Variants in AAR2 observed in about 807,000 individuals in gnomAD.
AAR2 encodes AAR2 splicing factor.
In AAR2, 31 loss-of-function variants were observed where a neutral mutation model predicts 26.9. That is an observed-to-expected ratio of 1.15 (90% confidence interval 0.86 to 1.55). The LOEUF is 1.55. Ranked by LOEUF, AAR2 falls within the 40% of genes most tolerant of loss-of-function variation. The pLI is 0.00. For missense variants in AAR2, 430 were observed against 491.3 expected, an observed-to-expected ratio of 0.88 and a Z score of 1.18; for synonymous variants, 188 against 196.1, an observed-to-expected ratio of 0.96 and a Z score of 0.34.
At position 36,240,510 on chromosome 20, in the gene AAR2, G is replaced by C. The variant is rs879221823; in HGVS notation, c.642G>C (p.Gln214His). 1.9e-6 allele frequency: 3 copies of C among 1,614,086 alleles called. No homozygotes were observed. Among genetic ancestry groups the C allele is most frequent in the African/African-American group, 1.3e-5 (1 of 75,062 alleles). Residue 214 changes from glutamine to histidine, a missense_variant, in exon 2 of 4, where the codon CAG (glutamine) becomes CAC (histidine). By Grantham distance (24) the Gln-to-His change is conservative. Coordinates refer to ENST00000320849, the MANE Select transcript of AAR2 (RefSeq NM_001271874.2). ...TEIRFSELPT[Q>H]MFPEGATPAE... is the part of the protein sequence containing the mutation. ...TCCGCTTCTCAGAGCTGCCCACGCA[G>C]ATGTTCCCAGAGGGTGCCACGCCAG...
intron 3 of AAR2, among the ~76,000 whole-genome samples, chr20:36,250,759 G>A (rs1467721239): frequency 1.3e-5 from 2 of 152,146 alleles, no homozygotes; most frequent in African/African-American, 2.4e-5. Flanking sequence ...GATACCAAAA[G>A]CAAAGCAAAC....
chr20:36,245,791 C>A, intron 3 of AAR2, among the ~76,000 whole-genome samples: 1 of 152,146 alleles, frequency 6.6e-6, no homozygotes, highest in East Asian at 1.9e-4. Flanking sequence ...GAGGTGAAGG[C>A]AGGAGGATCA....
Position 36,240,229 on chromosome 20 carries a change from T to G in AAR2, c.361T>G (p.Phe121Val). 6.2e-7 allele frequency: 1 copy of G among 1,614,158 alleles called. No homozygotes were observed. Among genetic ancestry groups the G allele is most frequent in the Non-Finnish European group, 8.5e-7 (1 of 1,180,008 alleles). ...GGCCAACCTCCAGGAGCTGGACCAGTTCCTGGGGCCTTACCCATATGCCAC... is the reference window on the plus strand; with the variant it reads ...GGCCAACCTCCAGGAGCTGGACCAGGTCCTGGGGCCTTACCCATATGCCAC... ...MRANLQELDQ[F>V]LGPYPYATLK... is the part of the protein sequence containing the mutation. The change falls in exon 2 of 4, where the codon TTC becomes GTC. Residue 121 changes from phenylalanine to valine, a missense_variant. Phe to Val is a conservative substitution (Grantham distance 50). Coordinates refer to ENST00000320849, the MANE Select transcript of AAR2 (RefSeq NM_001271874.2).
intron 3 of AAR2, among the ~76,000 whole-genome samples, chr20:36,247,429 C>T (rs1055584342): frequency 6.6e-6 from 1 of 152,192 alleles, no homozygotes; most frequent in African/African-American, 2.4e-5. Context: ...ACATTGGTCG[C>T]AAAGGCCATT....
chr20:36,248,337 C>CT (rs1395708568), intron 3 of AAR2, among the ~76,000 whole-genome samples: 4,020 of 139,648 alleles, frequency 0.029, 80 homozygotes, highest in Middle Eastern at 0.047. Flanking sequence ...TCTTCTTCTT[C>CT]TTTTTTTTTT....
Position 36,255,876 on chromosome 20 carries a change from G to C in AAR2, c.*131G>C. 8.6e-7 allele frequency: 1 copy of C among 1,166,574 alleles called. No individual in the cohort carries two copies. The highest frequency in any genetic ancestry group is 1.2e-6 in the Non-Finnish European group (1 of 845,530). 72.3% of individuals were successfully genotyped at this position (1,166,574 alleles called of 1,614,324 possible). On this transcript the variant is annotated 3_prime_UTR_variant, in exon 4 of 4. Transcript: ENST00000320849. Reference sequence around the variant, plus strand: ...TCCAGGTCCTGCAAAGATGGAGCCAGAATTCCCTTTTTCACTGATAAATAT... The same window carrying C: ...TCCAGGTCCTGCAAAGATGGAGCCACAATTCCCTTTTTCACTGATAAATAT...
intron 3 of AAR2, among the ~76,000 whole-genome samples, chr20:36,249,715 C>T (rs183039734): frequency 6.6e-6 from 1 of 152,306 alleles, no homozygotes; most frequent in Non-Finnish European, 1.5e-5. Context: ...TCTCTAATCC[C>T]ATTATATAGA....
Position 36,240,133 on chromosome 20 carries a change from C to T in AAR2, c.265C>T (p.Leu89=), listed in dbSNP as rs146546733. 12 of 1,614,092 alleles carry T rather than the reference C, an allele frequency of 7.4e-6. No individual in the cohort carries two copies. In the African/African-American group the frequency reaches 1.2e-4, roughly 16 times the overall value. Reference sequence around the variant, plus strand: ...CCTGCACCAGCGGGGGCTGACAGTGCTGCGCTGGAGCACACTCAGGGAAGA... The same window carrying T: ...CCTGCACCAGCGGGGGCTGACAGTGTTGCGCTGGAGCACACTCAGGGAAGA... ...LSLHQRGLTV[L]RWSTLREEVD... The change falls in exon 2 of 4, where the codon CTG becomes TTG. Residue 89 remains leucine (L), a synonymous_variant. Coordinates refer to ENST00000320849, the MANE Select transcript of AAR2 (RefSeq NM_001271874.2).
At chr20:36,239,777 CT>C in intron 1 of AAR2, 43 bp from the exon 2 acceptor site, 3 of 1,442,760 alleles carry the variant, frequency 2.1e-6, no homozygotes, top group Non-Finnish European at 2.8e-6. Flanking sequence ...AATGAAGCAT[CT>C]TTCCCCCACG....
At chr20:36,250,854 T>C (rs2064774558) in intron 3 of AAR2, among the ~76,000 whole-genome samples, 1 of 152,018 alleles carries the variant, frequency 6.6e-6, no homozygotes, top group Non-Finnish European at 1.5e-5. Flanking sequence ...TTGATGAATT[T>C]ACTAATCTGG....
intron 2 of AAR2, among the ~76,000 whole-genome samples, chr20:36,241,604 C>A (rs1422345047): frequency 1.3e-5 from 2 of 152,080 alleles, no homozygotes; most frequent in Non-Finnish European, 2.9e-5. Context: ...GCCTGGCCAA[C>A]ATGGTGAAAC....
At chr20:36,236,701 G>A (rs2064610319) in intron 1 of AAR2, 198 bp downstream of exon 1, 1 of 152,234 alleles carries the variant, frequency 6.6e-6, no homozygotes, top group South Asian at 2.1e-4. Context: ...TTACGTCGCG[G>A]TTTTCTTAAC....
intron 2 of AAR2, 124 bp downstream of exon 2, chr20:36,240,749 T>C (rs1001340116): frequency 1.6e-5 from 20 of 1,281,756 alleles, no homozygotes; most frequent in Non-Finnish European, 2.1e-5. Context: ...AGGCTGAAGA[T>C]ACAGGTGTGT....
At chr20:36,243,095 C>T (rs541959370) in intron 2 of AAR2, among the ~76,000 whole-genome samples, 1 of 152,164 alleles carries the variant, frequency 6.6e-6, no homozygotes, top group African/African-American at 2.4e-5. Flanking sequence ...TCAAGCAATC[C>T]TCCTCCACTG....
At position 36,256,918 on chromosome 20, in the gene AAR2, C is replaced by T. The variant is rs759962744; in HGVS notation, c.*1173C>T. 1 of 152,648 alleles carries T rather than the reference C, an allele frequency of 6.6e-6. No homozygotes were observed. The highest frequency in any genetic ancestry group is 1.5e-5 in the Non-Finnish European group (1 of 68,048). 9.5% of individuals were successfully genotyped at this position (152,648 alleles called of 1,614,324 possible). A position where few individuals can be genotyped will look rare whatever the true frequency, so the allele number is the denominator to read the frequency against. The stretch of plus-strand genomic sequence containing the variant: ...CCAAGAGCATAATGTACATTAAAGT[C>T]TTCGAGTTGAGACAATCCCCTTGTG... On this transcript the variant is annotated 3_prime_UTR_variant, in exon 4 of 4. Coordinates refer to ENST00000320849, the MANE Select transcript of AAR2 (RefSeq NM_001271874.2).
intron 3 of AAR2, among the ~76,000 whole-genome samples, chr20:36,252,897 C>T (rs562110654): frequency 2.2e-4 from 33 of 152,310 alleles, no homozygotes; most frequent in African/African-American, 7.0e-4. Context: ...TTGCTCCAGG[C>T]GGGCTCCACT....
In AAR2 at chr20:36,244,778, TC is replaced by T; in HGVS notation, c.841del (p.Leu281CysfsTer8). 6.2e-7 allele frequency: 1 copy of T among 1,614,146 alleles called. No homozygotes were observed. The highest frequency in any genetic ancestry group is 1.1e-5 in the South Asian group (1 of 91,072). On this transcript the variant is annotated frameshift_variant, in exon 3 of 4. Coordinates refer to ENST00000320849, the MANE Select transcript of AAR2 (RefSeq NM_001271874.2). LOFTEE classifies it high-confidence loss of function. The stretch of plus-strand genomic sequence containing the variant: ...GAGCATTGGAAGCGGCTCCTGAACC[TC>T]CTGTGCCGGTCAGAAGCAGCCATGA... ...AFEHWKRLLN[L>X]LCRSEAAMMK...
At chr20:36,244,537 T>C (rs532751767) in intron 2 of AAR2, among the ~76,000 whole-genome samples, 160 bp from the exon 3 acceptor site, 1 of 152,270 alleles carries the variant, frequency 6.6e-6, no homozygotes, top group South Asian at 2.1e-4. Context: ...TGAGTACCTG[T>C]TAGGTGCAAA....
intron 3 of AAR2, among the ~76,000 whole-genome samples, chr20:36,247,030 A>G (rs1161833773): frequency 1.3e-5 from 2 of 152,194 alleles, no homozygotes; most frequent in Non-Finnish European, 2.9e-5. Flanking sequence ...GCTGTATAGA[A>G]GACTCTGTTC....
Sources: allele counts gnomAD v4.1 joint callset (sites outside exome capture counted in the v4.1 genomes callset), GRCh38; gene constraint gnomAD v4.1.1; transcripts MANE v1.5; gene names NCBI Gene and HGNC (gene_info 2026-07-23, HGNC 2026-07-21).